DLG2: variants seen among roughly 807,000 people sequenced by gnomAD.
DLG2 encodes the protein discs large MAGUK scaffold protein 2, also known as disks large homolog 2.
Under a neutral mutation model 132.5 loss-of-function variants are expected in DLG2, and 45 were observed. The ratio of observed to expected loss-of-function variants is 0.34; its 90% CI spans 0.27 to 0.44. The LOEUF (loss-of-function observed/expected upper bound fraction) is 0.44, where lower values mean the gene tolerates loss of function less well. DLG2 is among the 20% of genes least tolerant of loss of function. The pLI is 1.00. For missense variants in DLG2, 1,045 were observed against 1,196.9 expected (o/e 0.87, Z 1.87); for synonymous variants, 424 against 419.6 (o/e 1.01, Z -0.13).
intron 3 of DLG2, among the ~76,000 whole-genome samples, chr11:85,594,190 T>C (rs2079566663): frequency 6.6e-6 from 1 of 152,164 alleles, no homozygotes; most frequent in Admixed American, 6.6e-5. Flanking sequence ...TGCCAGCAAG[T>C]AGGAATGTGT....
chr11:84,515,508 A>C (rs1288627437), intron 7 of DLG2, among the ~76,000 whole-genome samples: 2 of 151,974 alleles, frequency 1.3e-5, no homozygotes, highest in Admixed American at 6.6e-5. Context: ...TTATATAATG[A>C]TAAGGGGTTC....
At chr11:85,063,382 A>G (rs1349274407) in intron 6 of DLG2, among the ~76,000 whole-genome samples, 1 of 151,988 alleles carries the variant, frequency 6.6e-6, no homozygotes, top group South Asian at 2.1e-4. Flanking sequence ...GGTTCTTGCT[A>G]TTATTACAAA....
At chr11:84,049,223 T>A (rs2096302603) in intron 11 of DLG2, among the ~76,000 whole-genome samples, 1 of 151,830 alleles carries the variant, frequency 6.6e-6, no homozygotes, top group African/African-American at 2.4e-5. Context: ...TAAATTCTCA[T>A]CTATAATATC....
intron 6 of DLG2, among the ~76,000 whole-genome samples, chr11:84,902,114 G>A (rs2090961972): frequency 6.6e-6 from 1 of 152,114 alleles, no homozygotes; most frequent in African/African-American, 2.4e-5. Flanking sequence ...TTTCTTGGAA[G>A]GCAATTTTGT....
chr11:85,423,388 T>C (rs115403652), intron 3 of DLG2, among the ~76,000 whole-genome samples: 127 of 152,330 alleles, frequency 8.3e-4, no homozygotes, highest in African/African-American at 2.9e-3. Flanking sequence ...TTTAATGCAC[T>C]ATATTTTGCT....
At chr11:83,977,230 A>G (rs2092346642) in intron 12 of DLG2, among the ~76,000 whole-genome samples, 1 of 151,978 alleles carries the variant, frequency 6.6e-6, no homozygotes. Flanking sequence ...AAAAAGCATA[A>G]GTCCTTGCTT....
chr11:85,619,223 G>A lies in DLG2; in HGVS notation c.-93+7364C>T, dbSNP rs1272875516. On this transcript the variant is annotated intron_variant, in intron 2 of 27. Coordinates refer to ENST00000376104, the MANE Select transcript of DLG2 (RefSeq NM_001142699.3). ...AATAAAAAAGATATGGGATACCCAGGCTGGAGTTCAGTGGCACAATCACAG... is the reference window on the plus strand; with the variant it reads ...AATAAAAAAGATATGGGATACCCAGACTGGAGTTCAGTGGCACAATCACAG... Among the ~76,000 whole-genome samples, 3 of 152,218 alleles carry A rather than the reference G, an allele frequency of 2.0e-5. No individual in the cohort carries two copies. The South Asian group carries it at 6.2e-4, about 32-fold the overall frequency.
Position 85,177,633 on chromosome 11 carries a change from T to C in DLG2, c.187-22982A>G, listed in dbSNP as rs375008110. Among the ~76,000 whole-genome samples, 35 of 152,102 alleles carry C rather than the reference T, an allele frequency of 2.3e-4. No homozygotes were observed. The East Asian group carries it at 4.6e-3, about 20-fold the overall frequency. ...AACCACCATGGCACACTTTTACCTA[T>C]GGAACAAACCTACACATCCTACATA... On this transcript the variant is annotated intron_variant, in intron 4 of 27. Transcript: ENST00000376104.
At chr11:83,833,817 G>A (rs374928386) in intron 16 of DLG2, 47 bp from the exon 17 acceptor site, 1 of 1,574,688 alleles carries the variant, frequency 6.4e-7, no homozygotes, top group African/African-American at 1.4e-5. Context: ...ATCCATTTAA[G>A]ATTTACGTTG....
chr11:83,686,483 C>T lies in DLG2; in HGVS notation c.1826-53158G>A, dbSNP rs113189013. 2.1e-3 allele frequency among the ~76,000 whole-genome samples: 325 copies of T among 152,186 alleles called. 2 individuals carry two copies. The highest frequency in any genetic ancestry group is 0.014 in the East Asian group (71 of 5,178). On this transcript the variant is annotated intron_variant, in intron 18 of 27. Transcript: ENST00000376104. ...CTCCTCTACCCAACTAGAATGTAAG[C>T]TCCATGAGGCCAGGGTCGTTGTCTT...
chr11:84,690,653 C>A (rs2153724321), intron 6 of DLG2, among the ~76,000 whole-genome samples: 1 of 151,902 alleles, frequency 6.6e-6, no homozygotes. Context: ...ACAGTGGTAA[C>A]AGATACTTAA....
At chr11:85,024,119 T>C (rs187239080) in intron 6 of DLG2, among the ~76,000 whole-genome samples, 68 of 152,234 alleles carry the variant, frequency 4.5e-4, no homozygotes, top group African/African-American at 1.5e-3. Flanking sequence ...ATAATTAAAC[T>C]GTCCCCATTA....
intron 7 of DLG2, among the ~76,000 whole-genome samples, chr11:84,304,036 G>A (rs1429216854): frequency 3.9e-5 from 6 of 152,266 alleles, no homozygotes; most frequent in Admixed American, 6.5e-5. Context: ...GGTTAATGGC[G>A]CAGAAACATA....
chr11:83,481,097 A>G (rs529930995), intron 22 of DLG2, among the ~76,000 whole-genome samples: 31 of 152,214 alleles, frequency 2.0e-4, no homozygotes, highest in African/African-American at 7.2e-4. Context: ...GCTATTGAAT[A>G]CTAGTGGCAT....
intron 15 of DLG2, among the ~76,000 whole-genome samples, chr11:83,901,626 T>C (rs2073458227): frequency 6.6e-6 from 1 of 152,234 alleles, no homozygotes; most frequent in Non-Finnish European, 1.5e-5. Flanking sequence ...GAACTGTAAG[T>C]CCAATAAACC....
chr11:84,490,447 C>A (rs894686895), intron 7 of DLG2, among the ~76,000 whole-genome samples: 2 of 151,964 alleles, frequency 1.3e-5, no homozygotes, highest in Non-Finnish European at 2.9e-5. Flanking sequence ...GCTGATTGAA[C>A]AATATCCTTA....
At chr11:83,505,905 A>C (rs2094673704) in intron 21 of DLG2, among the ~76,000 whole-genome samples, 1 of 152,162 alleles carries the variant, frequency 6.6e-6, no homozygotes, top group South Asian at 2.1e-4. Context: ...TCTACTGATC[A>C]TAGGGAACTC....
At chr11:83,750,567 T>C (rs2153734519) in intron 18 of DLG2, among the ~76,000 whole-genome samples, 1 of 152,358 alleles carries the variant, frequency 6.6e-6, no homozygotes, top group South Asian at 2.1e-4. Flanking sequence ...TACTTTCATC[T>C]GTTCTACATA....
At chr11:85,255,945 C>A (rs1595740880) in intron 4 of DLG2, among the ~76,000 whole-genome samples, 1 of 152,126 alleles carries the variant, frequency 6.6e-6, no homozygotes, top group East Asian at 1.9e-4. Flanking sequence ...GAGTTAGGGG[C>A]AAGAAACTTC....
Sources: gnomAD v4.1 joint callset for allele counts (sites outside exome capture counted in the v4.1 genomes callset) on GRCh38, gnomAD v4.1.1 for gene constraint, MANE v1.5 for transcripts, NCBI Gene and HGNC (gene_info 2026-07-23, HGNC 2026-07-21) for gene names.